The following EYS variants were observed in gnomAD, a reference collection of about 807,000 sequenced individuals.
EYS encodes the protein EGF-like photoreceptor maintenance factor.
A neutral mutation model predicts 282.1 loss-of-function variants in EYS; 250 were observed. The ratio of observed to expected loss-of-function variants is 0.89; its 90% confidence interval spans 0.80 to 0.98. The LOEUF is 0.98. Ranked by LOEUF, EYS falls within the 50% of genes least tolerant of loss-of-function variation. The pLI is 0.00. For synonymous variants in EYS, 1,355 were observed against 1,282.9 expected (o/e 1.06, Z -1.20); for missense variants, 4,016 against 3,709.0 (o/e 1.08, Z -2.15).
intron 12 of EYS, among the ~76,000 whole-genome samples, chr6:65,117,184 C>T (rs772602111): frequency 3.7e-4 from 56 of 152,164 alleles, no homozygotes; most frequent in Non-Finnish European, 2.2e-4. Context: ...CATTACTTAG[C>T]CTAACCCAAG....
chr6:65,353,249 C>G (rs1764354583), intron 9 of EYS, among the ~76,000 whole-genome samples: 1 of 151,962 alleles, frequency 6.6e-6, no homozygotes, highest in Non-Finnish European at 1.5e-5. Context: ...ACTATTATCT[C>G]TCTTGCACCA....
At chr6:64,766,500 TG>T (rs1416117729) in intron 22 of EYS, among the ~76,000 whole-genome samples, 2 of 147,230 alleles carry the variant, frequency 1.4e-5, no homozygotes, top group African/African-American at 5.0e-5. Flanking sequence ...GGCATGGTTG[TG>T]GGCGCCTATA....
chr6:65,554,894 C>T (rs1248039199), intron 2 of EYS, among the ~76,000 whole-genome samples: 1 of 152,088 alleles, frequency 6.6e-6, no homozygotes, highest in African/African-American at 2.4e-5. Flanking sequence ...CAGCCCTGAT[C>T]TCAACATATA....
chr6:65,645,455 A>T (rs1338396173), intron 1 of EYS, among the ~76,000 whole-genome samples: 1 of 152,200 alleles, frequency 6.6e-6, no homozygotes, highest in Non-Finnish European at 1.5e-5. Flanking sequence ...AATAAAGTGA[A>T]GATGGATATT....
intron 13 of EYS, among the ~76,000 whole-genome samples, chr6:65,010,653 G>T (rs1317858298): frequency 2.0e-5 from 3 of 152,206 alleles, no homozygotes; most frequent in Non-Finnish European, 2.9e-5. Flanking sequence ...ATACTTGAAA[G>T]TAATCCCTTC....
At chr6:64,113,797 T>C (rs1439205314) in intron 31 of EYS, among the ~76,000 whole-genome samples, 1 of 145,236 alleles carries the variant, frequency 6.9e-6, no homozygotes, top group African/African-American at 2.9e-5. Context: ...AACTAGTAAC[T>C]GTGAAGAGTG....
intron 33 of EYS, among the ~76,000 whole-genome samples, chr6:64,054,947 C>T (rs1310513475): frequency 2.0e-5 from 3 of 152,116 alleles, no homozygotes; most frequent in African/African-American, 7.2e-5. Flanking sequence ...ATGCTTTAAA[C>T]GTAACAGGCC....
At chr6:65,677,923 A>T (rs1184992367) in intron 1 of EYS, among the ~76,000 whole-genome samples, 1 of 152,048 alleles carries the variant, frequency 6.6e-6, no homozygotes, top group African/African-American at 2.4e-5. Flanking sequence ...ACAATACACA[A>T]TGTTGAAAGG....
rs534086642 is a variant in EYS, at chr6:65,420,005, C to G, written c.863-14638G>C. On this transcript the variant is annotated intron_variant, in intron 5 of 42. Transcript: ENST00000503581. ...TTGCCAGAAAATGCTAACAATCATC[C>G]ATGCTTTCAGCAAATCCTAATATTT... Among the ~76,000 whole-genome samples the G allele has an allele frequency of 7.1e-4, 108 of 152,098 alleles. 3 individuals carry two copies. In the South Asian group the frequency reaches 0.022, roughly 31 times the overall value.
chr6:65,508,662 CAAAAA>C (rs35302193), intron 2 of EYS, among the ~76,000 whole-genome samples: 15 of 109,960 alleles, frequency 1.4e-4, no homozygotes, highest in African/African-American at 4.1e-4. Context: ...GACTCCATCT[CAAAAA>C]AAAAAAAAAA....
intron 8 of EYS, among the ~76,000 whole-genome samples, chr6:65,365,509 A>G (rs1764882200): frequency 7.8e-6 from 1 of 128,326 alleles, no homozygotes; most frequent in African/African-American, 2.9e-5. Flanking sequence ...ACTTTCAGAA[A>G]TTGATGTTAG....
At chr6:65,544,335 G>A (rs1320895577) in intron 2 of EYS, among the ~76,000 whole-genome samples, 1 of 152,098 alleles carries the variant, frequency 6.6e-6, no homozygotes, top group Non-Finnish European at 1.5e-5. Flanking sequence ...GTTGCATCTG[G>A]CCGGTAACTT....
chr6:64,465,097 C>T (rs186381740), intron 26 of EYS, among the ~76,000 whole-genome samples: 340 of 151,736 alleles, frequency 2.2e-3, no homozygotes, highest in Non-Finnish European at 6.9e-4. Context: ...ACAACATTGA[C>T]GAAATAAACT....
At chr6:65,201,066 A>C (rs1765888283) in intron 12 of EYS, among the ~76,000 whole-genome samples, 2 of 152,146 alleles carry the variant, frequency 1.3e-5, no homozygotes, top group African/African-American at 4.8e-5. Context: ...CATAAAAATT[A>C]GTTATAACTA....
At chr6:64,400,700 A>AT (rs2150435906) in intron 28 of EYS, among the ~76,000 whole-genome samples, 1 of 152,126 alleles carries the variant, frequency 6.6e-6, no homozygotes, top group Non-Finnish European at 1.5e-5. Flanking sequence ...TGCAGTGTAA[A>AT]TTTTTTCCAT....
intron 31 of EYS, among the ~76,000 whole-genome samples, chr6:64,087,357 C>A (rs910055083): frequency 2.0e-5 from 3 of 152,042 alleles, no homozygotes; most frequent in Non-Finnish European, 4.4e-5. Context: ...TAGAAGGAAA[C>A]CCCAAGTTAG....
chr6:64,328,265 C>T (rs967932700), intron 29 of EYS, among the ~76,000 whole-genome samples: 2 of 152,176 alleles, frequency 1.3e-5, no homozygotes, highest in Admixed American at 1.3e-4. Flanking sequence ...AAGCTGCCTT[C>T]CAGTGGCTGG....
chr6:65,548,886 G>A (rs530909742), intron 2 of EYS, among the ~76,000 whole-genome samples: 3 of 152,260 alleles, frequency 2.0e-5, no homozygotes, highest in Admixed American at 1.3e-4. Flanking sequence ...GTAGCACAGT[G>A]GTTCCCAACC....
In EYS at chr6:63,941,428, T is replaced by C. The variant is rs979779642; in HGVS notation, c.7055+42955A>G. Among the ~76,000 whole-genome samples the C allele has an allele frequency of 2.4e-4, 37 of 152,232 alleles. 3 individuals are homozygous for C. ...ATGGTTTTGATTTGCATTTCTCTGA[T>C]GGCCAGTGATGATGAGCATTTTTTC... On this transcript the variant is annotated intron_variant, in intron 35 of 42. Coordinates refer to ENST00000503581, the MANE Select transcript of EYS (RefSeq NM_001142800.2).
Sources: gnomAD v4.1 joint callset for allele counts (sites outside exome capture counted in the v4.1 genomes callset) on GRCh38, gnomAD v4.1.1 for gene constraint, MANE v1.5 for transcripts, NCBI Gene and HGNC (gene_info 2026-07-23, HGNC 2026-07-21) for gene names.